LTBP2: variants seen among roughly 807,000 people sequenced by gnomAD.
The protein encoded by LTBP2 is latent transforming growth factor beta binding protein 2.
In LTBP2, 103 loss-of-function variants were observed where a neutral mutation model predicts 210.6. The observed-to-expected ratio is 0.49, with a 90% CI of 0.42 to 0.58. The LOEUF is 0.58. LTBP2 is among the 20% of genes least tolerant of loss of function. The pLI, the probability that LTBP2 is intolerant of heterozygous loss-of-function variation, is 0.00. For synonymous variants in LTBP2, 1,007 were observed against 1,015.0 expected (o/e 0.99, Z 0.15); for missense variants, 2,313 against 2,494.5 (o/e 0.93, Z 1.55).
intron 8 of LTBP2, among the ~76,000 whole-genome samples, chr14:74,540,494 A>G (rs2087478572): frequency 6.7e-6 from 1 of 149,786 alleles, no homozygotes; most frequent in East Asian, 2.0e-4. Flanking sequence ...AATAAGGCGC[A>G]GTGGCTCACG....
At chr14:74,557,531 G>A (rs940229202) in intron 3 of LTBP2, among the ~76,000 whole-genome samples, 2 of 152,112 alleles carry the variant, frequency 1.3e-5, no homozygotes, top group African/African-American at 4.8e-5. Flanking sequence ...AATTATTTTT[G>A]AGGTTAAAAT....
intron 7 of LTBP2, among the ~76,000 whole-genome samples, chr14:74,550,842 G>A (rs1286015321): frequency 2.0e-5 from 3 of 152,236 alleles, no homozygotes; most frequent in East Asian, 1.9e-4. Context: ...CTTCTTCTGT[G>A]TGCCTGGTAT....
rs1383155246 is a variant in LTBP2 at position 74,551,264 on chromosome 14, C to T, written c.1486G>A (p.Gly496Ser). ...TCCACTAGGGCCTCCTCCACCCCGC[C>T]CCGCACCTGGGCCACCTGGTGGATC... is the stretch of plus-strand genomic sequence containing the variant. ...VQIHQVAQVR[G>S]GVEEALVENS... The change falls in exon 7 of 36, where the codon GGC (glycine) becomes AGC (serine). Residue 496 changes from glycine to serine, a missense_variant. By Grantham distance (56) the Gly-to-Ser change is moderately conservative. Transcript: ENST00000261978. 1 of 1,610,330 alleles carries T rather than the reference C, an allele frequency of 6.2e-7. No individual in the cohort carries two copies. Among genetic ancestry groups the T allele is most frequent in the East Asian group, 2.2e-5 (1 of 44,762 alleles).
intron 14 of LTBP2, among the ~76,000 whole-genome samples, chr14:74,525,434 T>A (rs1274273312): frequency 6.6e-6 from 1 of 152,180 alleles, no homozygotes; most frequent in Non-Finnish European, 1.5e-5. Flanking sequence ...AGTCTAATCC[T>A]CCATGTCAGG....
chr14:74,565,224 G>A (rs2087887033), intron 3 of LTBP2, among the ~76,000 whole-genome samples: 1 of 152,222 alleles, frequency 6.6e-6, no homozygotes, highest in African/African-American at 2.4e-5. Flanking sequence ...AAGCTCCAAT[G>A]CGGGGTGGAC....
chr14:74,563,469 T>C (rs1331128189), intron 3 of LTBP2, among the ~76,000 whole-genome samples: 4 of 152,160 alleles, frequency 2.6e-5, no homozygotes, highest in African/African-American at 9.7e-5. Context: ...AATGGGGTAA[T>C]AGGCCCTGGA....
chr14:74,543,550 C>CTTTT (rs2087540534), intron 8 of LTBP2, among the ~76,000 whole-genome samples: 22 of 140,358 alleles, frequency 1.6e-4, no homozygotes, highest in African/African-American at 4.7e-4. Context: ...TCCTCCCTCC[C>CTTTT]TCCCTTCCTT....
chr14:74,521,743 C>T (rs2087204918), intron 17 of LTBP2, among the ~76,000 whole-genome samples, 168 bp downstream of exon 17: 1 of 152,346 alleles, frequency 6.6e-6, no homozygotes, highest in African/African-American at 2.4e-5. Flanking sequence ...GGCATAGAAT[C>T]AGCCTCCTCC....
rs557706080 is a variant in LTBP2, at chr14:74,551,192, C to T, written c.1558G>A (p.Gly520Ser). ...TTGTTGCTGTCCCAGAGGCTGTGGCCAGGGCTGGCAGGCAGCCAGGGCGGG... is the reference window on the plus strand; with the variant it reads ...TTGTTGCTGTCCCAGAGGCTGTGGCTAGGGCTGGCAGGCAGCCAGGGCGGG... ...RPPPWLPASPGHSLWDSNNIP... is the reference protein window; with the variant it reads ...RPPPWLPASPSHSLWDSNNIP... Residue 520 changes from glycine (G) to serine (S), a missense_variant, in exon 7 of 36, where the codon GGC (glycine) becomes AGC (serine). Transcript: ENST00000261978. The T allele has an allele frequency of 6.2e-7, 1 of 1,613,722 alleles. No individual in the cohort carries two copies. Among genetic ancestry groups the T allele is most frequent in the South Asian group, 1.1e-5 (1 of 91,082 alleles).
At chr14:74,601,696 C>T (rs2088449611) in intron 2 of LTBP2, among the ~76,000 whole-genome samples, 2 of 152,164 alleles carry the variant, frequency 1.3e-5, no homozygotes, top group South Asian at 2.1e-4. Flanking sequence ...TCCAGACTCG[C>T]GGGAATGGGA....
intron 8 of LTBP2, among the ~76,000 whole-genome samples, chr14:74,536,336 TG>T (rs1303012876): frequency 2.6e-5 from 4 of 152,108 alleles, no homozygotes; most frequent in Middle Eastern, 3.2e-3. Flanking sequence ...GGGGAGATAT[TG>T]ATCAAAGGGT....
In LTBP2 at chr14:74,509,828, G is replaced by T; in HGVS notation, c.3183C>A (p.Cys1061Ter). ...DVDECASRAS[C>*]PTGLCLNTEG... Reference sequence around the variant, plus strand: ...CCGTGTTGAGGCAGAGGCCTGTGGGGCATGAGGCCCGGCTGGCACACTCAT... The same window carrying T: ...CCGTGTTGAGGCAGAGGCCTGTGGGTCATGAGGCCCGGCTGGCACACTCAT... The change falls in exon 21 of 36, where the codon TGC (cysteine) becomes TGA (stop). Residue 1061 changes from cysteine (C) to a stop codon, truncating the protein, a stop_gained. Coordinates refer to ENST00000261978, the MANE Select transcript of LTBP2 (RefSeq NM_000428.3). LOFTEE classifies it high-confidence loss of function. 1 of 1,614,090 alleles carries T rather than the reference G, an allele frequency of 6.2e-7. No individual in the cohort carries two copies. Among genetic ancestry groups the T allele is most frequent in the South Asian group, 1.1e-5 (1 of 91,088 alleles).
chr14:74,516,085 G>C (rs2087130498), intron 18 of LTBP2, among the ~76,000 whole-genome samples: 1 of 152,230 alleles, frequency 6.6e-6, no homozygotes, highest in South Asian at 2.1e-4. Flanking sequence ...AGGAGTCTCA[G>C]CCTAAGCTCG....
intron 2 of LTBP2, among the ~76,000 whole-genome samples, chr14:74,598,800 C>G (rs1457384053): frequency 4.6e-5 from 7 of 152,152 alleles, no homozygotes; most frequent in Admixed American, 1.3e-4. Flanking sequence ...CCTGATCTAG[C>G]ATTAAAATAC....
At chr14:74,565,964 C>T (rs941037975) in intron 3 of LTBP2, among the ~76,000 whole-genome samples, 3 of 152,122 alleles carry the variant, frequency 2.0e-5, no homozygotes, top group African/African-American at 7.2e-5. Flanking sequence ...ATTAAACAAA[C>T]GAACAAGCCG....
At chr14:74,501,682 G>T in intron 34 of LTBP2, 92 bp from the exon 35 acceptor site, 1 of 1,540,458 alleles carries the variant, frequency 6.5e-7, no homozygotes, top group South Asian at 1.1e-5. Flanking sequence ...GACAAAGGGT[G>T]CCCCTGTGGA....
intron 4 of LTBP2, among the ~76,000 whole-genome samples, chr14:74,554,211 T>A (rs904852626): frequency 6.6e-6 from 1 of 152,108 alleles, no homozygotes; most frequent in Non-Finnish European, 1.5e-5. Context: ...TCAGAAACGT[T>A]ATGCTAAGCC....
intron 4 of LTBP2, among the ~76,000 whole-genome samples, chr14:74,554,268 G>A (rs755700893): frequency 6.6e-5 from 10 of 152,168 alleles, no homozygotes; most frequent in Non-Finnish European, 7.3e-5. Context: ...GGGAGGCTGA[G>A]GCAGGAGGAT....
Position 74,503,511 on chromosome 14 carries a change from C to A in LTBP2, c.4678G>T (p.Asp1560Tyr), listed in dbSNP as rs766345018. The stretch of plus-strand genomic sequence containing the variant: ...TTCATGCAGCGCTGCTGGCTGAGGT[C>A]CAGGGTGAGCGGGGGGCTGCAGAAG... ...HCFCSPPLTL[D>Y]LSQQRCMNST... Residue 1560 changes from aspartate to tyrosine, a missense_variant, in exon 32 of 36, where the codon GAC becomes TAC. Coordinates refer to ENST00000261978, the MANE Select transcript of LTBP2 (RefSeq NM_000428.3). 1.9e-6 allele frequency: 3 copies of A among 1,613,180 alleles called. No individual in the cohort carries two copies. In the South Asian group the frequency reaches 3.3e-5, roughly 18 times the overall value.
Sources: gnomAD v4.1 joint callset for allele counts (sites outside exome capture counted in the v4.1 genomes callset) on GRCh38, gnomAD v4.1.1 for gene constraint, MANE v1.5 for transcripts, NCBI Gene and HGNC (gene_info 2026-07-23, HGNC 2026-07-21) for gene names.